Variants in MIA3 observed in about 807,000 individuals in gnomAD.
The protein encoded by MIA3 is transport and Golgi organization protein 1 homolog.
A neutral mutation model predicts 192.4 loss-of-function variants in MIA3; 90 were observed. The ratio of observed to expected loss-of-function variants is 0.47; its 90% confidence interval spans 0.39 to 0.56. The LOEUF is 0.56. Among genes scored for constraint, MIA3 ranks in the 20% least tolerant of loss-of-function variants. MIA3 has a pLI of 0.00. For synonymous variants in MIA3, 740 were observed against 792.8 expected (o/e 0.93, Z 1.12); for missense variants, 2,123 against 2,269.4 (o/e 0.94, Z 1.31).
chr1:222,654,825 TTGTCA>T (rs1663630668), intron 18 of MIA3, 32 bp downstream of exon 18: 19 of 1,585,568 alleles, frequency 1.2e-5, no homozygotes, highest in Non-Finnish European at 1.6e-5. Context: ...GTTAACTGTA[TTGTCA>T]TGTCAGTAAA....
intron 1 of MIA3, among the ~76,000 whole-genome samples, chr1:222,620,040 T>G (rs891484755): frequency 2.0e-5 from 3 of 152,226 alleles, no homozygotes; most frequent in African/African-American, 7.2e-5. Context: ...TCCATCATCT[T>G]AAACCTGGCC....
At chr1:222,653,369 C>T (rs951911178) in intron 15 of MIA3, 30 bp downstream of exon 15, 3 of 1,481,538 alleles carry the variant, frequency 2.0e-6, no homozygotes, top group Non-Finnish European at 2.8e-6. Flanking sequence ...GGATGGACCC[C>T]TTTTGCCTTC....
Position 222,627,690 on chromosome 1 carries a change from C to T in MIA3, c.470C>T (p.Ala157Val), listed in dbSNP as rs1037527314. ...TCTGCAGCTACAGATTCTGAGAAAG[C>T]TGTAGAAAAAACTTTACAGGATATG... ...YNSAATDSEK[A>V]VEKTLQDMEK... Residue 157 changes from alanine to valine, a missense_variant, in exon 4 of 28, where the codon GCT (alanine) becomes GTT (valine). Coordinates refer to ENST00000344922, the MANE Select transcript of MIA3 (RefSeq NM_198551.4). The T allele has an allele frequency of 1.1e-5, 17 of 1,613,380 alleles. No homozygotes were observed. The highest frequency in any genetic ancestry group is 1.2e-5 in the Non-Finnish European group (14 of 1,179,896).
rs377462899 is a variant in MIA3 at position 222,662,344 on chromosome 1, C to T, written c.5262+12C>T. On this transcript the variant is annotated intron_variant, in intron 26 of 27. Coordinates refer to ENST00000344922, the MANE Select transcript of MIA3 (RefSeq NM_198551.4). ...TCGATGAAGGCAAGGTAAATGCACC[C>T]ATTTTGAATAATTAGTTATTTCAGG... The T allele has an allele frequency of 6.2e-7, 1 of 1,609,178 alleles. No homozygotes were observed. Among genetic ancestry groups the T allele is most frequent in the Non-Finnish European group, 8.5e-7 (1 of 1,175,692 alleles).
intron 6 of MIA3, among the ~76,000 whole-genome samples, chr1:222,633,968 A>C (rs1372781973): frequency 1.3e-5 from 2 of 148,150 alleles, no homozygotes; most frequent in African/African-American, 5.3e-5. Flanking sequence ...CTCCTGCTTC[A>C]GTCTCCTGAG....
At chr1:222,656,094 C>T (rs1038233645) in intron 18 of MIA3, among the ~76,000 whole-genome samples, 10 of 151,382 alleles carry the variant, frequency 6.6e-5, no homozygotes, top group African/African-American at 2.2e-4. Context: ...CTCAGTCTCC[C>T]GAGTAGCTGG....
chr1:222,635,458 A>AAC (rs1225340323), intron 6 of MIA3, among the ~76,000 whole-genome samples: 16 of 152,206 alleles, frequency 1.1e-4, no homozygotes, highest in African/African-American at 3.9e-4. Context: ...AGGGATTGTC[A>AAC]AAAGAGCATT....
intron 6 of MIA3, among the ~76,000 whole-genome samples, chr1:222,642,165 G>A (rs1355604413): frequency 2.0e-5 from 3 of 152,156 alleles, no homozygotes; most frequent in Non-Finnish European, 4.4e-5. Context: ...AGGGAATAAG[G>A]AGACTTTGGG....
intron 7 of MIA3, among the ~76,000 whole-genome samples, chr1:222,648,202 A>G (rs1663245868): frequency 6.6e-6 from 1 of 152,166 alleles, no homozygotes; most frequent in Non-Finnish European, 1.5e-5. Flanking sequence ...ATTTTCCTCT[A>G]GTAGTCTTCT....
At chr1:222,658,897 A>G (rs1663868219) in intron 19 of MIA3, 74 bp downstream of exon 19, 1 of 958,482 alleles carries the variant, frequency 1.0e-6, no homozygotes, top group African/African-American at 1.6e-5. Context: ...GCACAAAAGC[A>G]TAAATAAGTG....
At position 222,629,503 on chromosome 1, in the gene MIA3, T is replaced by C. The variant is rs771740472; in HGVS notation, c.2283T>C (p.Pro761=). ...GRQFDVNLQV[P]DRAVLGTIHP... is the part of the protein sequence containing the mutation. ...AGTTTGATGTTAATCTGCAAGTCCCTGACAGAGCAGTTTTAGGGACCATTC... is the reference window on the plus strand; with the variant it reads ...AGTTTGATGTTAATCTGCAAGTCCCCGACAGAGCAGTTTTAGGGACCATTC... The change falls in exon 4 of 28, where the codon CCT becomes CCC. Residue 761 remains proline, a synonymous_variant. Coordinates refer to ENST00000344922, the MANE Select transcript of MIA3 (RefSeq NM_198551.4). 33 of 1,613,954 alleles carry C rather than the reference T, an allele frequency of 2.0e-5. No individual in the cohort carries two copies. The South Asian group carries it at 3.5e-4, about 17-fold the overall frequency.
At chr1:222,664,293 T>C in intron 27 of MIA3, 145 bp downstream of exon 27, 1 of 823,122 alleles carries the variant, frequency 1.2e-6, no homozygotes, top group South Asian at 1.6e-5. Context: ...CCCAAGTTTC[T>C]TCAGACACAA....
chr1:222,632,101 T>A lies in MIA3; in HGVS notation c.3170-64T>A. ...TGTTGAGGTGCCCTGGTGTGGTCAG[T>A]GGGATTAGCCTAACAGGTAGTGTCA... is the stretch of plus-strand genomic sequence containing the variant. On this transcript the variant is annotated intron_variant, in intron 4 of 27. Coordinates refer to ENST00000344922, the MANE Select transcript of MIA3 (RefSeq NM_198551.4). The A allele has an allele frequency of 2.6e-6, 4 of 1,514,296 alleles. No individual in the cohort carries two copies. In the South Asian group the frequency reaches 4.9e-5, roughly 19 times the overall value. 93.8% of individuals were successfully genotyped at this position (1,514,296 alleles called of 1,614,324 possible). A position where few individuals can be genotyped will look rare whatever the true frequency, so the allele number is the denominator to read the frequency against.
intron 6 of MIA3, among the ~76,000 whole-genome samples, chr1:222,642,578 A>C (rs1277862186): frequency 6.6e-6 from 1 of 152,176 alleles, no homozygotes; most frequent in Non-Finnish European, 1.5e-5. Context: ...GATCTTTAGA[A>C]GTAGGATTGT....
intron 1 of MIA3, among the ~76,000 whole-genome samples, chr1:222,620,163 A>C (rs550056060): frequency 6.6e-6 from 1 of 152,352 alleles, no homozygotes; most frequent in East Asian, 1.9e-4. Flanking sequence ...AGCCATTTAA[A>C]GGCACGTTTT....
rs760380493 is a variant in MIA3 at position 222,662,239 on chromosome 1, C to T, written c.5183-14C>T. 3.1e-6 allele frequency: 5 copies of T among 1,612,256 alleles called. No homozygotes were observed. Among genetic ancestry groups the T allele is most frequent in the South Asian group, 2.2e-5 (2 of 91,004 alleles). Reference sequence around the variant, plus strand: ...GTCAGAATAAGTCTACATCAGTTCTCTGGTCTTTAACAGATCCAGGATCTG... The same window carrying T: ...GTCAGAATAAGTCTACATCAGTTCTTTGGTCTTTAACAGATCCAGGATCTG... On this transcript the variant is annotated splice_polypyrimidine_tract_variant and intron_variant, in intron 25 of 27. Coordinates refer to ENST00000344922, the MANE Select transcript of MIA3 (RefSeq NM_198551.4).
Position 222,654,461 on chromosome 1 carries a change from A to C in MIA3, c.4450A>C (p.Thr1484Pro). 1 of 1,613,320 alleles carries C rather than the reference A, an allele frequency of 6.2e-7. No homozygotes were observed. Among genetic ancestry groups the C allele is most frequent in the Admixed American group, 1.7e-5 (1 of 60,014 alleles). ...LQLKLRASVS[T>P]KCNLEDQVKK... ...GCTTAAGCTAAGAGCCTCCGTGTCC[A>C]CTAAATGTAACCTGGAAGGTAGGTT... The change falls in exon 17 of 28, where the codon ACT becomes CCT. Residue 1484 changes from threonine to proline, a missense_variant. Thr to Pro is a conservative substitution (Grantham distance 38, BLOSUM62 -1). This residue lies in a region of MIA3 where 762 missense variants were observed against 856.4 expected (regional missense o/e 0.89). Transcript: ENST00000344922.
chr1:222,630,126 A>G lies in MIA3; in HGVS notation c.2906A>G (p.Tyr969Cys), dbSNP rs370205307. Reference sequence around the variant, plus strand: ...TCAGCGCAGCAGGAGAGCCTGCCCTATAATATGGAAAAAGTCCTAGATAAG... The same window carrying G: ...TCAGCGCAGCAGGAGAGCCTGCCCTGTAATATGGAAAAAGTCCTAGATAAG... Reference protein sequence around the residue: ...LKSAQQESLPYNMEKVLDKVF... With the variant: ...LKSAQQESLPCNMEKVLDKVF... Residue 969 changes from tyrosine to cysteine, a missense_variant, in exon 4 of 28, where the codon TAT becomes TGT. Around this residue, in one of 3 missense-constraint regions of MIA3, gnomAD observed 1,357 missense variants for 1,396.1 expected, o/e 0.97. Coordinates refer to ENST00000344922, the MANE Select transcript of MIA3 (RefSeq NM_198551.4). 7.4e-6 allele frequency: 12 copies of G among 1,614,128 alleles called. No individual in the cohort carries two copies. In the African/African-American group the frequency reaches 1.1e-4, roughly 14 times the overall value.
rs377194555 is a variant in MIA3, at chr1:222,658,749, G to A, written c.4635G>A (p.Arg1545=). ...AACTGAGTCAAGAAGAGTATGAACG[G>A]CAAGAAAGAGAGCACAGGCTGTCAG... The part of the protein sequence containing the change: ...QKKLSQEEYE[R]QEREHRLSAA... The change falls in exon 19 of 28, where the codon CGG becomes CGA. Residue 1545 remains arginine (R), a synonymous_variant. Coordinates refer to ENST00000344922, the MANE Select transcript of MIA3 (RefSeq NM_198551.4). 1.2e-6 allele frequency: 2 copies of A among 1,612,286 alleles called. No homozygotes were observed. Among genetic ancestry groups the A allele is most frequent in the Non-Finnish European group, 1.7e-6 (2 of 1,179,260 alleles).
Sources: gnomAD v4.1 joint callset for allele counts (sites outside exome capture counted in the v4.1 genomes callset) on GRCh38, gnomAD v4.1.1 for gene constraint, gnomAD v4.1.1 regional missense constraint, MANE v1.5 for transcripts, NCBI Gene and HGNC (gene_info 2026-07-23, HGNC 2026-07-21) for gene names.